Variants in TEKT1 observed in about 807,000 individuals in gnomAD.
TEKT1 encodes tektin 1.
A neutral mutation model predicts 34.8 loss-of-function variants in TEKT1; 32 were observed. The observed-to-expected ratio is 0.92, with a 90% CI of 0.69 to 1.23. TEKT1 has a LOEUF of 1.23. TEKT1 is among the 50% of genes most tolerant of loss of function. The pLI, the probability that TEKT1 is intolerant of heterozygous loss-of-function variation, is 0.00. For missense variants in TEKT1, 492 were observed against 518.5 expected, an observed-to-expected ratio of 0.95 and a Z score of 0.50; for synonymous variants, 207 against 199.8, an observed-to-expected ratio of 1.04 and a Z score of -0.30.
chr17:6,814,847 A>G (rs1310325476), intron 5 of TEKT1: 40 of 211,404 alleles, frequency 1.9e-4, no homozygotes, highest in East Asian at 3.7e-4. Flanking sequence ...CAAAAAAAAA[A>G]GGGGGGGGGA....
intron 3 of TEKT1, among the ~76,000 whole-genome samples, 190 bp downstream of exon 3, chr17:6,819,003 T>G (rs559730653): frequency 6.6e-6 from 1 of 152,312 alleles, no homozygotes; most frequent in African/African-American, 2.4e-5. Context: ...AGAGCAGAGT[T>G]GAGGCATGAA....
chr17:6,800,615 C>T (rs1976756582), intron 7 of TEKT1, 132 bp downstream of exon 7: 1 of 1,158,600 alleles, frequency 8.6e-7, no homozygotes, highest in African/African-American at 1.5e-5. Flanking sequence ...AGACTTCCCT[C>T]TAGGGGGCAT....
chr17:6,812,485 C>T (rs4796562), intron 6 of TEKT1, among the ~76,000 whole-genome samples: 100,870 of 151,934 alleles, frequency 0.66, 34,906 homozygotes, highest in African/African-American at 0.88. Flanking sequence ...CATTTCCGTA[C>T]TTCACATACG....
At position 6,812,760 on chromosome 17, in the gene TEKT1, G is replaced by A. The variant is rs1305538539; in HGVS notation, c.852+71C>T. On this transcript the variant is annotated intron_variant, in intron 6 of 7. Transcript: ENST00000338694. ...CAGAAGTCTAGCGGTCTGGCCCAGG[G>A]GGCATTCTTGTTTTCCATGGTGAAA... 4.1e-6 allele frequency: 6 copies of A among 1,470,300 alleles called. No individual in the cohort carries two copies. The African/African-American group carries it at 5.5e-5, about 14-fold the overall frequency. The allele number at this position is 1,470,300 out of a possible 1,614,324, so 91.1% of individuals were successfully genotyped here.
intron 3 of TEKT1, among the ~76,000 whole-genome samples, chr17:6,818,306 T>G (rs894164909): frequency 5.3e-5 from 8 of 152,148 alleles, no homozygotes; most frequent in South Asian, 2.1e-4. Context: ...GTGCACTAGA[T>G]TATAGGGGAC....
intron 7 of TEKT1, 39 bp downstream of exon 7, chr17:6,800,708 G>A: frequency 6.3e-7 from 1 of 1,578,826 alleles, no homozygotes; most frequent in Non-Finnish European, 8.6e-7. Flanking sequence ...GGTTGGGATT[G>A]AGACCCGAAG....
At chr17:6,821,062 C>A (rs1977081792) in intron 2 of TEKT1, among the ~76,000 whole-genome samples, 1 of 152,126 alleles carries the variant, frequency 6.6e-6, no homozygotes, top group Non-Finnish European at 1.5e-5. Flanking sequence ...ATTCCTGATT[C>A]TTTGTATATG....
rs1976929561 is a variant in TEKT1, at chr17:6,811,666, T to G, written c.852+1165A>C. Among the ~76,000 whole-genome samples the G allele has an allele frequency of 1.3e-5, 2 of 151,706 alleles. No individual in the cohort carries two copies. Among genetic ancestry groups the G allele is most frequent in the Non-Finnish European group, 2.9e-5 (2 of 67,958 alleles). On this transcript the variant is annotated intron_variant, in intron 6 of 7. Transcript: ENST00000338694. This position sits in a 1 kb window ranked among gnomAD's most constrained non-coding sequence, Gnocchi z 4.4. ...CTGGACTCTGAGCTCTGGGAGGGAG[T>G]GTTCAGGATGTGGCAACAGGACAGG... is the stretch of plus-strand genomic sequence containing the variant.
intron 2 of TEKT1, among the ~76,000 whole-genome samples, chr17:6,822,680 T>G (rs1215899555): frequency 6.6e-6 from 1 of 152,248 alleles, no homozygotes; most frequent in Non-Finnish European, 1.5e-5. Flanking sequence ...GGATGCAATC[T>G]CTTCTCTAAA....
chr17:6,813,180 C>G (rs1450386597), intron 5 of TEKT1, 127 bp from the exon 6 acceptor site: 4 of 767,420 alleles, frequency 5.2e-6, no homozygotes, highest in Non-Finnish European at 8.3e-6. Flanking sequence ...CTAGGCAGAG[C>G]AAATAGTGGT....
intron 3 of TEKT1, among the ~76,000 whole-genome samples, chr17:6,817,512 T>C (rs1169237106): frequency 6.6e-6 from 1 of 152,200 alleles, no homozygotes; most frequent in Non-Finnish European, 1.5e-5. Context: ...TAAACATTCT[T>C]TCTTAGCCCT....
At chr17:6,801,497 T>C (rs11078650) in intron 6 of TEKT1, among the ~76,000 whole-genome samples, 13,342 of 152,118 alleles carry the variant, frequency 0.088, 689 homozygotes, top group Middle Eastern at 0.19. Flanking sequence ...ATCACGAGGT[T>C]AGGAGTTCGA....
chr17:6,815,418 G>A lies in TEKT1; in HGVS notation c.486-112C>T, dbSNP rs991943332. The stretch of plus-strand genomic sequence containing the variant: ...GCAGCTAGGTCTGGTGCAGGATGAT[G>A]GTACTGCCCCCCACCCATCACCCCA... On this transcript the variant is annotated intron_variant, in intron 4 of 7. Transcript: ENST00000338694. The A allele has an allele frequency of 6.3e-6, 8 of 1,279,370 alleles. No individual in the cohort carries two copies. The African/African-American group carries it at 7.3e-5, about 12-fold the overall frequency. The allele number at this position is 1,279,370 out of a possible 1,614,324, so 79.3% of individuals were successfully genotyped here. A position where few individuals can be genotyped will look rare whatever the true frequency, so the allele number is the denominator to read the frequency against.
At chr17:6,820,916 T>A (rs1409780541) in intron 2 of TEKT1, among the ~76,000 whole-genome samples, 2 of 152,236 alleles carry the variant, frequency 1.3e-5, no homozygotes, top group Non-Finnish European at 2.9e-5. Flanking sequence ...GTCTTTATTC[T>A]ACCCTCGACA....
intron 6 of TEKT1, among the ~76,000 whole-genome samples, chr17:6,808,171 C>T (rs143591224): frequency 6.0e-4 from 91 of 152,340 alleles, no homozygotes; most frequent in African/African-American, 2.1e-3. Context: ...CAATGACAGG[C>T]ACCTCTCCGC....
At chr17:6,802,121 T>A (rs529910726) in intron 6 of TEKT1, among the ~76,000 whole-genome samples, 1 of 152,338 alleles carries the variant, frequency 6.6e-6, no homozygotes, top group South Asian at 2.1e-4. Flanking sequence ...TATAATAATA[T>A]TTAGTGATCA....
At chr17:6,808,780 A>G (rs951577667) in intron 6 of TEKT1, among the ~76,000 whole-genome samples, 2 of 152,158 alleles carry the variant, frequency 1.3e-5, no homozygotes, top group African/African-American at 2.4e-5. Context: ...CAATTATTTA[A>G]TTATATATTT....
chr17:6,814,857 A>G (rs975137317), intron 5 of TEKT1: 12 of 230,784 alleles, frequency 5.2e-5, no homozygotes, highest in South Asian at 3.6e-4. Flanking sequence ...AGGGGGGGGG[A>G]AATTCACTTG....
At chr17:6,803,008 G>T (rs1423130365) in intron 6 of TEKT1, among the ~76,000 whole-genome samples, 2 of 151,946 alleles carry the variant, frequency 1.3e-5, no homozygotes, top group African/African-American at 4.8e-5. Flanking sequence ...GGTATTTCTA[G>T]TTCTAGATCC....
Sources: allele counts gnomAD v4.1 joint callset (sites outside exome capture counted in the v4.1 genomes callset), GRCh38; gene constraint gnomAD v4.1.1; non-coding constraint Gnocchi (gnomAD v3.1); transcripts MANE v1.5; gene names NCBI Gene and HGNC (gene_info 2026-07-23, HGNC 2026-07-21).